The following NRXN1 variants were observed in gnomAD, a reference collection of about 807,000 sequenced individuals.
NRXN1 encodes neurexin 1.
In NRXN1, 39 loss-of-function variants were observed where a neutral mutation model predicts 150.9. The observed-to-expected ratio is 0.26, with a 90% CI of 0.20 to 0.34. The LOEUF (loss-of-function observed/expected upper bound fraction) is 0.34. Among genes scored for constraint, NRXN1 ranks in the 10% least tolerant of loss-of-function variants. NRXN1 has a pLI of 1.00. For missense variants in NRXN1, 1,815 were observed against 1,949.9 expected, an observed-to-expected ratio of 0.93 and a Z score of 1.30; for synonymous variants, 924 against 757.0, an observed-to-expected ratio of 1.22 and a Z score of -3.62.
chr2:50,198,754 T>TGG (rs2061940278), intron 18 of NRXN1, among the ~76,000 whole-genome samples: 3 of 152,264 alleles, frequency 2.0e-5, no homozygotes, highest in African/African-American at 7.2e-5. Context: ...CAGGCTAAAA[T>TGG]ATTTGCTTCA....
At chr2:50,641,212 T>G (rs1371937866) in intron 5 of NRXN1, among the ~76,000 whole-genome samples, 1 of 152,188 alleles carries the variant, frequency 6.6e-6, no homozygotes, top group African/African-American at 2.4e-5. Context: ...AGCCAAATGT[T>G]GACTAAAAGC....
At chr2:50,648,764 C>T (rs1257550684) in intron 5 of NRXN1, among the ~76,000 whole-genome samples, 1 of 151,908 alleles carries the variant, frequency 6.6e-6, no homozygotes, top group Non-Finnish European at 1.5e-5. Context: ...ATCACTTCTA[C>T]CCCATGCTTC....
intron 15 of NRXN1, among the ~76,000 whole-genome samples, chr2:50,487,491 G>A (rs72831009): frequency 0.03 from 4,524 of 152,292 alleles, 130 homozygotes; most frequent in Non-Finnish European, 0.039. Flanking sequence ...TGAAAATAAA[G>A]AGCCACAACA....
intron 2 of NRXN1, among the ~76,000 whole-genome samples, chr2:50,947,296 G>C (rs1690553685): frequency 6.6e-6 from 1 of 151,876 alleles, no homozygotes; most frequent in Non-Finnish European, 1.5e-5. Flanking sequence ...TAAATGTTTG[G>C]TGAATGAATA....
At chr2:50,933,805 C>A (rs889836417) in intron 2 of NRXN1, among the ~76,000 whole-genome samples, 1 of 152,006 alleles carries the variant, frequency 6.6e-6, no homozygotes, top group Admixed American at 6.6e-5. Context: ...CTTAAGAAAA[C>A]ATGCTGAACA....
chr2:50,340,277 C>T (rs561337418), intron 17 of NRXN1, among the ~76,000 whole-genome samples: 31 of 152,126 alleles, frequency 2.0e-4, no homozygotes, highest in Non-Finnish European at 3.8e-4. Context: ...CAACACTGAA[C>T]AATCTTGTAT....
chr2:50,217,285 T>TATTCTC (rs1438236440), intron 18 of NRXN1, among the ~76,000 whole-genome samples: 2 of 152,110 alleles, frequency 1.3e-5, no homozygotes, highest in African/African-American at 4.8e-5. Context: ...GCAGTAGACT[T>TATTCTC]ATTCTCAATC....
chr2:50,389,705 A>G (rs547761871), intron 17 of NRXN1, among the ~76,000 whole-genome samples: 2 of 152,252 alleles, frequency 1.3e-5, no homozygotes, highest in South Asian at 4.1e-4. Context: ...TTTTTTATCA[A>G]TGTCCATCTT....
At chr2:50,181,808 G>A (rs1049517630) in intron 18 of NRXN1, among the ~76,000 whole-genome samples, 5 of 151,974 alleles carry the variant, frequency 3.3e-5, no homozygotes, top group South Asian at 4.2e-4. Context: ...AGTAATGAGC[G>A]CACCACAAAA....
intron 5 of NRXN1, among the ~76,000 whole-genome samples, chr2:50,709,884 A>T (rs1220923311): frequency 6.6e-6 from 1 of 152,194 alleles, no homozygotes; most frequent in Non-Finnish European, 1.5e-5. Flanking sequence ...GCTATCAAGA[A>T]TTCAATTAGA....
chr2:49,919,503 A>G lies in NRXN1; in HGVS notation c.*2441T>C, dbSNP rs1667842285. The G allele has an allele frequency of 6.6e-6, 1 of 152,086 alleles. No homozygotes were observed. The highest frequency in any genetic ancestry group is 2.4e-5 in the African/African-American group (1 of 41,528). The allele number at this position is 152,086 out of a possible 1,614,324, so 9.4% of individuals were successfully genotyped here. On this transcript the variant is annotated 3_prime_UTR_variant, in exon 23 of 23. Transcript: ENST00000401669. Reference sequence around the variant, plus strand: ...CAATTTATTTTCTATTATATTTTAGAATCTTTCCAGATGGAAACTGGTTCA... The same window carrying G: ...CAATTTATTTTCTATTATATTTTAGGATCTTTCCAGATGGAAACTGGTTCA...
intron 21 of NRXN1, among the ~76,000 whole-genome samples, chr2:49,951,944 T>C (rs1190927560): frequency 6.6e-6 from 1 of 152,012 alleles, no homozygotes; most frequent in Non-Finnish European, 1.5e-5. Flanking sequence ...AAGCTTTCAT[T>C]GTTGCCATGT....
intron 17 of NRXN1, among the ~76,000 whole-genome samples, chr2:50,366,216 T>C (rs2079573792): frequency 6.6e-6 from 1 of 151,308 alleles, no homozygotes. Flanking sequence ...GCAACGTATG[T>C]TGAGATTTCC....
chr2:50,051,472 A>G (rs1392810350), intron 21 of NRXN1, among the ~76,000 whole-genome samples: 2 of 152,082 alleles, frequency 1.3e-5, no homozygotes, highest in African/African-American at 2.4e-5. Flanking sequence ...TAGATAAAGG[A>G]AAGTCTATCA....
At chr2:50,909,701 A>G (rs1378823818) in intron 5 of NRXN1, among the ~76,000 whole-genome samples, 2 of 151,912 alleles carry the variant, frequency 1.3e-5, no homozygotes, top group Non-Finnish European at 2.9e-5. Context: ...AAACTCTCCA[A>G]AACACACCCA....
At chr2:50,488,545 C>T (rs1462428696) in intron 15 of NRXN1, among the ~76,000 whole-genome samples, 1 of 152,186 alleles carries the variant, frequency 6.6e-6, no homozygotes, top group Non-Finnish European at 1.5e-5. Flanking sequence ...GCAACACTGG[C>T]TTATTGCTAA....
intron 17 of NRXN1, among the ~76,000 whole-genome samples, chr2:50,284,597 T>G (rs1250878361): frequency 2.0e-5 from 3 of 152,176 alleles, no homozygotes; most frequent in African/African-American, 7.2e-5. Flanking sequence ...CAGAATATAT[T>G]GTAGTCAGTA....
At chr2:50,955,657 CAGTT>C (rs1247952337) in intron 2 of NRXN1, among the ~76,000 whole-genome samples, 1 of 152,170 alleles carries the variant, frequency 6.6e-6, no homozygotes, top group African/African-American at 2.4e-5. Flanking sequence ...TTATGCCAGA[CAGTT>C]AGATAACAGC....
At chr2:50,829,204 C>CAGAGGGAGACCGTGGAAAG (rs1671022916) in intron 5 of NRXN1, among the ~76,000 whole-genome samples, 1 of 151,760 alleles carries the variant, frequency 6.6e-6, no homozygotes, top group African/African-American at 2.4e-5. Context: ...GGCTTGGCAT[C>CAGAGGGAGACCGTGGAAAG]AGAGGGAGAC....
Sources: gnomAD v4.1 joint callset for allele counts (sites outside exome capture counted in the v4.1 genomes callset) on GRCh38, gnomAD v4.1.1 for gene constraint, MANE v1.5 for transcripts, NCBI Gene and HGNC (gene_info 2026-07-23, HGNC 2026-07-21) for gene names.